The following ZBTB46 variants were observed in gnomAD, a reference collection of about 807,000 sequenced individuals.
ZBTB46 encodes the protein zinc finger and BTB domain containing 46, also known as zinc finger and BTB domain-containing protein 46.
Under a neutral mutation model 44.1 loss-of-function variants are expected in ZBTB46, and 8 were observed. The observed-to-expected ratio is 0.18, with a 90% CI of 0.11 to 0.33. The LOEUF is 0.33. ZBTB46 is among the 10% of genes least tolerant of loss of function. ZBTB46 has a pLI of 1.00. For synonymous variants in ZBTB46, 409 were observed against 382.3 expected (o/e 1.07, Z -0.81); for missense variants, 651 against 847.7 (o/e 0.77, Z 2.88).
chr20:63,786,744 T>G (rs2145913361), intron 2 of ZBTB46, among the ~76,000 whole-genome samples: 1 of 152,270 alleles, frequency 6.6e-6, no homozygotes, highest in Admixed American at 6.5e-5. Context: ...TCTCCTGACC[T>G]TGTGATCCGC....
intron 2 of ZBTB46, among the ~76,000 whole-genome samples, chr20:63,785,585 C>G (rs994076245): frequency 2.6e-5 from 4 of 152,120 alleles, no homozygotes; most frequent in Non-Finnish European, 5.9e-5. Flanking sequence ...AAAAAAGGGC[C>G]TTTGCTTCTA....
intron 1 of ZBTB46, among the ~76,000 whole-genome samples, chr20:63,814,390 A>G (rs2092736151): frequency 6.6e-6 from 1 of 152,226 alleles, no homozygotes. Context: ...GAAAAGTTCC[A>G]AAATAAGTTT....
chr20:63,783,224 T>C (rs1447348762), intron 2 of ZBTB46, among the ~76,000 whole-genome samples: 4 of 151,174 alleles, frequency 2.6e-5, no homozygotes, highest in Non-Finnish European at 5.9e-5. Context: ...GTTCAAGAGA[T>C]TGAGACCAGC....
At chr20:63,760,170 G>A (rs531034144) in intron 3 of ZBTB46, among the ~76,000 whole-genome samples, 1 of 152,306 alleles carries the variant, frequency 6.6e-6, no homozygotes, top group Admixed American at 6.5e-5. Context: ...CTAGTATTTG[G>A]AAGATATGTC....
chr20:63,789,806 G>C lies in ZBTB46; in HGVS notation c.937+15C>G, dbSNP rs774230176. On this transcript the variant is annotated intron_variant, in intron 2 of 4. Coordinates refer to ENST00000245663, the MANE Select transcript of ZBTB46 (RefSeq NM_001369741.1). ...ACTGGGGCAGCTGAGCCCCCGTAAC[G>C]AGTGAAAGGCTTACTTGAGTCTCGG... 6.3e-7 allele frequency: 1 copy of C among 1,596,756 alleles called. No individual in the cohort carries two copies. Among genetic ancestry groups the C allele is most frequent in the Non-Finnish European group, 8.5e-7 (1 of 1,173,180 alleles).
chr20:63,812,241 G>T (rs2092721530), intron 1 of ZBTB46, among the ~76,000 whole-genome samples: 1 of 152,250 alleles, frequency 6.6e-6, no homozygotes, highest in Admixed American at 6.5e-5. Context: ...CAGGCAAGGA[G>T]GCTCAGGCCT....
intron 1 of ZBTB46, among the ~76,000 whole-genome samples, chr20:63,829,703 G>A (rs898323692): frequency 6.6e-6 from 1 of 152,136 alleles, no homozygotes; most frequent in East Asian, 1.9e-4. Flanking sequence ...AAATACTGTC[G>A]CTTGCTTCAT....
chr20:63,776,063 G>C, intron 2 of ZBTB46, 101 bp from the exon 3 acceptor site: 1 of 1,385,114 alleles, frequency 7.2e-7, no homozygotes, highest in Non-Finnish European at 9.5e-7. Context: ...GCTTCTGCCT[G>C]AGCTACAGAG....
intron 1 of ZBTB46, among the ~76,000 whole-genome samples, chr20:63,806,947 T>G (rs552390943): frequency 9.9e-5 from 15 of 152,252 alleles, no homozygotes; most frequent in Non-Finnish European, 1.8e-4. Context: ...CACACCCGGC[T>G]AATTTTTTGT....
At chr20:63,821,571 C>G (rs1415551530) in intron 1 of ZBTB46, among the ~76,000 whole-genome samples, 1 of 152,088 alleles carries the variant, frequency 6.6e-6, no homozygotes, top group Non-Finnish European at 1.5e-5. Context: ...TCCCAAGTAG[C>G]TGGGATTACA....
In ZBTB46 at chr20:63,745,798, C is replaced by A. The variant is rs527944649; in HGVS notation, c.*1132G>T. On this transcript the variant is annotated 3_prime_UTR_variant, in exon 5 of 5. Coordinates refer to ENST00000245663, the MANE Select transcript of ZBTB46 (RefSeq NM_001369741.1). ...CCAGGCGGTGCACCACAGCACACAC[C>A]GTGGGACCTTTGCTTTTCACTCAGG... 2.3e-4 allele frequency: 35 copies of A among 152,440 alleles called. No homozygotes were observed. Among genetic ancestry groups the A allele is most frequent in the African/African-American group, 7.9e-4 (33 of 41,576 alleles). The allele number at this position is 152,440 out of a possible 1,614,324, so 9.4% of individuals were successfully genotyped here. A position where few individuals can be genotyped will look rare whatever the true frequency, so the allele number is the denominator to read the frequency against.
At chr20:63,791,147 T>A (rs1379731362) in intron 1 of ZBTB46, among the ~76,000 whole-genome samples, 1 of 152,044 alleles carries the variant, frequency 6.6e-6, no homozygotes, top group Non-Finnish European at 1.5e-5. Flanking sequence ...CTCGGTTAAA[T>A]GACCTACACT....
intron 2 of ZBTB46, among the ~76,000 whole-genome samples, chr20:63,786,909 T>C (rs929022652): frequency 6.6e-6 from 1 of 152,158 alleles, no homozygotes; most frequent in South Asian, 2.1e-4. Context: ...CCTCCCAAAT[T>C]GCCTCCAAAA....
intron 3 of ZBTB46, among the ~76,000 whole-genome samples, chr20:63,760,602 G>C (rs1375431644): frequency 6.6e-6 from 1 of 150,978 alleles, no homozygotes; most frequent in African/African-American, 2.4e-5. Context: ...GATTACAGGC[G>C]CCTGTCACCA....
chr20:63,794,942 C>A (rs1012906451), intron 1 of ZBTB46, among the ~76,000 whole-genome samples: 6 of 152,216 alleles, frequency 3.9e-5, no homozygotes, highest in Non-Finnish European at 8.8e-5. Flanking sequence ...CGTGTGGCAC[C>A]CCCGTGCGCG....
chr20:63,824,393 G>C (rs1330617569), intron 1 of ZBTB46, among the ~76,000 whole-genome samples: 2 of 152,060 alleles, frequency 1.3e-5, no homozygotes, highest in Admixed American at 1.3e-4. Context: ...AAATGGCATG[G>C]AAAGAGAACA....
intron 2 of ZBTB46, among the ~76,000 whole-genome samples, chr20:63,788,768 G>A (rs1357461449): frequency 1.3e-5 from 2 of 151,762 alleles, no homozygotes; most frequent in Non-Finnish European, 2.9e-5. Context: ...GAATCCGGGA[G>A]ACAGAGGTTG....
intron 3 of ZBTB46, among the ~76,000 whole-genome samples, chr20:63,770,830 G>A (rs1322175502): frequency 1.3e-5 from 2 of 152,150 alleles, no homozygotes; most frequent in African/African-American, 2.4e-5. Flanking sequence ...TTTCCTGCAC[G>A]ATGCGCCAGC....
At chr20:63,756,304 T>C (rs941185354) in intron 3 of ZBTB46, among the ~76,000 whole-genome samples, 5 of 152,232 alleles carry the variant, frequency 3.3e-5, no homozygotes, top group Non-Finnish European at 5.9e-5. Context: ...GCAAATGGAC[T>C]GGCAGTTGGC....
Sources: allele counts gnomAD v4.1 joint callset (sites outside exome capture counted in the v4.1 genomes callset), GRCh38; gene constraint gnomAD v4.1.1; transcripts MANE v1.5; gene names NCBI Gene and HGNC (gene_info 2026-07-23, HGNC 2026-07-21).